DLG2: variants seen among roughly 807,000 people sequenced by gnomAD.
The protein encoded by DLG2 is disks large homolog 2.
In DLG2, 45 loss-of-function variants were observed where a neutral mutation model predicts 132.5. That is an observed-to-expected ratio of 0.34 (90% CI 0.27 to 0.44). DLG2 has a LOEUF of 0.44. DLG2 is among the 20% of genes least tolerant of loss of function. The probability of loss-of-function intolerance (pLI) is 1.00; values close to 1 mark genes in which losing one functional copy is unlikely to be tolerated. For missense variants in DLG2, 1,045 were observed against 1,196.9 expected (o/e 0.87, Z 1.87); for synonymous variants, 424 against 419.6 (o/e 1.01, Z -0.13).
At chr11:84,002,006 A>T (rs1421849691) in intron 11 of DLG2, among the ~76,000 whole-genome samples, 3 of 152,178 alleles carry the variant, frequency 2.0e-5, no homozygotes, top group Non-Finnish European at 4.4e-5. Flanking sequence ...CAACTCAAGC[A>T]ATTAGAAAAG....
chr11:85,351,353 C>G (rs945592203), intron 3 of DLG2, among the ~76,000 whole-genome samples: 1 of 152,310 alleles, frequency 6.6e-6, no homozygotes, highest in Admixed American at 6.5e-5. Flanking sequence ...ATGTCAACTG[C>G]AAACAGGGAC....
chr11:85,225,831 C>T (rs1049685053), intron 4 of DLG2, among the ~76,000 whole-genome samples: 7 of 152,120 alleles, frequency 4.6e-5, no homozygotes, highest in Non-Finnish European at 5.9e-5. Flanking sequence ...ATCACAACCA[C>T]TCTTCTTAGC....
chr11:85,219,683 T>C (rs1595481366), intron 4 of DLG2, among the ~76,000 whole-genome samples: 1 of 149,718 alleles, frequency 6.7e-6, no homozygotes, highest in African/African-American at 2.5e-5. Context: ...CATCTCCTTA[T>C]AAATAGTAGC....
At chr11:84,200,310 G>T (rs1047482106) in intron 8 of DLG2, among the ~76,000 whole-genome samples, 1 of 152,008 alleles carries the variant, frequency 6.6e-6, no homozygotes, top group South Asian at 2.1e-4. Context: ...TCAGGGGAAA[G>T]AAAAATAATA....
At chr11:83,890,926 G>C (rs1234544597) in intron 15 of DLG2, among the ~76,000 whole-genome samples, 1 of 152,086 alleles carries the variant, frequency 6.6e-6, no homozygotes, top group African/African-American at 2.4e-5. Context: ...CTTCTAGCTG[G>C]GGTGACTGGT....
At chr11:83,982,242 A>G (rs1467025028) in intron 11 of DLG2, among the ~76,000 whole-genome samples, 1 of 152,114 alleles carries the variant, frequency 6.6e-6, no homozygotes, top group Admixed American at 6.6e-5. Flanking sequence ...ATTAAAAAAA[A>G]TGTTAATTGT....
chr11:85,571,527 T>A (rs2077843304), intron 3 of DLG2, among the ~76,000 whole-genome samples: 1 of 152,176 alleles, frequency 6.6e-6, no homozygotes, highest in African/African-American at 2.4e-5. Context: ...TTAGCCTTCA[T>A]ATTCTGATTC....
intron 6 of DLG2, among the ~76,000 whole-genome samples, chr11:85,043,645 C>T (rs1371706376): frequency 6.6e-6 from 1 of 151,674 alleles, no homozygotes; most frequent in African/African-American, 2.4e-5. Context: ...TACAGACTTC[C>T]TTAGAATTCC....
chr11:84,504,666 TA>T (rs2099233216), intron 7 of DLG2, among the ~76,000 whole-genome samples: 1 of 152,154 alleles, frequency 6.6e-6, no homozygotes, highest in South Asian at 2.1e-4. Context: ...CTAACCTTCT[TA>T]AAAAGCCATT....
At chr11:85,431,214 C>T (rs1316382003) in intron 3 of DLG2, among the ~76,000 whole-genome samples, 1 of 152,108 alleles carries the variant, frequency 6.6e-6, no homozygotes, top group African/African-American at 2.4e-5. Flanking sequence ...GCTGAGGTAT[C>T]CATGTTCTGT....
chr11:84,772,506 G>T (rs2069605174), intron 6 of DLG2, among the ~76,000 whole-genome samples: 1 of 152,062 alleles, frequency 6.6e-6, no homozygotes, highest in Non-Finnish European at 1.5e-5. Context: ...CTTCTCATCT[G>T]CACATGGAAC....
At chr11:85,480,148 C>T (rs1292618542) in intron 3 of DLG2, among the ~76,000 whole-genome samples, 1 of 152,144 alleles carries the variant, frequency 6.6e-6, no homozygotes, top group East Asian at 1.9e-4. Context: ...AAAAAGAAAT[C>T]TCATACTTTG....
chr11:83,712,586 T>C (rs979652588), intron 18 of DLG2, among the ~76,000 whole-genome samples: 1 of 152,052 alleles, frequency 6.6e-6, no homozygotes, highest in Non-Finnish European at 1.5e-5. Context: ...GCTGAGATCA[T>C]GCCACTTCAC....
chr11:84,907,140 G>A (rs918307900), intron 6 of DLG2, among the ~76,000 whole-genome samples: 1 of 152,152 alleles, frequency 6.6e-6, no homozygotes, highest in Admixed American at 6.6e-5. Context: ...CATGAATCAT[G>A]GCTTCTTCAG....
rs111776020 is a variant in DLG2 at position 85,471,188 on chromosome 11, G to C, written c.40+127469C>G. Among the ~76,000 whole-genome samples, 274 of 152,228 alleles carry C rather than the reference G, an allele frequency of 1.8e-3. 1 individual carries two copies. Among genetic ancestry groups the C allele is most frequent in the African/African-American group, 6.4e-3 (264 of 41,548 alleles). On this transcript the variant is annotated intron_variant, in intron 3 of 27. Transcript: ENST00000376104. ...TAGACTCTCACCATATTGTTCCAGA[G>C]GATGAAAAAATTGGGCAAGAAGAAC... is the stretch of plus-strand genomic sequence containing the variant.
intron 7 of DLG2, among the ~76,000 whole-genome samples, chr11:84,267,352 T>C (rs188106552): frequency 6.6e-6 from 1 of 152,330 alleles, no homozygotes; most frequent in African/African-American, 2.4e-5. Flanking sequence ...AAGGAAAGGC[T>C]TGTGGAAGGG....
intron 7 of DLG2, among the ~76,000 whole-genome samples, chr11:84,308,425 T>A (rs1599578688): frequency 6.6e-6 from 1 of 152,190 alleles, no homozygotes; most frequent in African/African-American, 2.4e-5. Context: ...GTATTTACAA[T>A]CCCTTAGCTA....
chr11:85,464,064 T>C (rs1486728861), intron 3 of DLG2, among the ~76,000 whole-genome samples: 1 of 141,646 alleles, frequency 7.1e-6, no homozygotes, highest in East Asian at 2.1e-4. Flanking sequence ...GAAGGGTAGG[T>C]TGTATCATAT....
At chr11:84,902,270 A>G (rs1029830038) in intron 6 of DLG2, among the ~76,000 whole-genome samples, 10 of 152,084 alleles carry the variant, frequency 6.6e-5, no homozygotes, top group Admixed American at 2.0e-4. Flanking sequence ...CAAAACTAAG[A>G]ACTCTGGCTC....
Sources: gnomAD v4.1 joint callset for allele counts (sites outside exome capture counted in the v4.1 genomes callset) on GRCh38, gnomAD v4.1.1 for gene constraint, MANE v1.5 for transcripts, NCBI Gene and HGNC (gene_info 2026-07-23, HGNC 2026-07-21) for gene names.